Variants in PSMB3 observed in about 807,000 individuals in gnomAD.
PSMB3 encodes proteasome 20S subunit beta 3.
Under a neutral mutation model 23.3 loss-of-function variants are expected in PSMB3, and 5 were observed. The ratio of observed to expected loss-of-function variants is 0.21; its 90% CI spans 0.11 to 0.45. The LOEUF is 0.45. PSMB3 is among the 20% of genes least tolerant of loss of function. PSMB3 has a pLI of 0.99. For missense variants in PSMB3, 192 were observed against 277.9 expected (o/e 0.69, Z 2.20); for synonymous variants, 85 against 99.8 (o/e 0.85, Z 0.88).
rs778864848 is a variant in PSMB3, at chr17:38,760,452, G to C, written c.318G>C (p.Glu106Asp). 1 of 1,614,212 alleles carries C rather than the reference G, an allele frequency of 6.2e-7. No homozygotes were observed. Among genetic ancestry groups the C allele is most frequent in the Non-Finnish European group, 8.5e-7 (1 of 1,180,038 alleles). Residue 106 changes from glutamate to aspartate, a missense_variant, in exon 4 of 6, where the codon GAG becomes GAC. Physicochemically the swap from Glu to Asp is conservative, Grantham distance 45. Coordinates refer to ENST00000619426, the MANE Select transcript of PSMB3 (RefSeq NM_002795.4). ...YEKRFGPYYT[E>D]PVIAGLDPKT... The stretch of plus-strand genomic sequence containing the variant: ...ACAGGTTTGGCCCTTACTACACTGA[G>C]CCAGTCATTGCCGGGTTGGACCCGA...
At chr17:38,753,058 GGGCGTACAGGAGCC>G (rs1394960369) in intron 1 of PSMB3, 78 bp from the exon 2 acceptor site, 8 of 1,372,980 alleles carry the variant, frequency 5.8e-6, no homozygotes, top group Non-Finnish European at 7.9e-6. Context: ...AATGGAGAAC[GGGCGTACAGGAGCC>G]TCCGCATCAG....
At chr17:38,762,166 G>A in intron 4 of PSMB3, 1 of 506,156 alleles carries the variant, frequency 2.0e-6, no homozygotes. Context: ...TTTGCCCAAT[G>A]TCACACTGCT....
At position 38,755,899 on chromosome 17, in the gene PSMB3, T is replaced by C. The variant is rs1378611542; in HGVS notation, c.205T>C (p.Phe69Leu). Residue 69 changes from phenylalanine (F) to leucine (L), a missense_variant, in exon 3 of 6, where the codon TTC (phenylalanine) becomes CTC (leucine). Phe to Leu is a conservative substitution (Grantham distance 22, BLOSUM62 0). Transcript: ENST00000619426. ...CTACCTCAGTGCCCAGCGCCTCAAGTTCCGGCTGAACCTGTATGAGTTGAA... is the reference window on the plus strand; with the variant it reads ...CTACCTCAGTGCCCAGCGCCTCAAGCTCCGGCTGAACCTGTATGAGTTGAA... ...DVQTVAQRLK[F>L]RLNLYELKEG... 1.7e-5 allele frequency: 28 copies of C among 1,613,966 alleles called. No individual in the cohort carries two copies. Among genetic ancestry groups the C allele is most frequent in the Non-Finnish European group, 2.1e-5 (25 of 1,180,016 alleles).
intron 3 of PSMB3, among the ~76,000 whole-genome samples, chr17:38,759,097 C>T (rs1908328999): frequency 6.6e-6 from 1 of 152,130 alleles, no homozygotes; most frequent in Admixed American, 6.5e-5. Context: ...ATATGGATAA[C>T]GTCTCTTTTA....
chr17:38,760,860 G>A (rs1022233361), intron 4 of PSMB3, among the ~76,000 whole-genome samples: 2 of 152,186 alleles, frequency 1.3e-5, no homozygotes, highest in African/African-American at 4.8e-5. Context: ...CTTACATTGG[G>A]TTTACAGGGT....
chr17:38,756,626 G>A (rs916830016), intron 3 of PSMB3, among the ~76,000 whole-genome samples: 2 of 151,954 alleles, frequency 1.3e-5, no homozygotes, highest in South Asian at 2.1e-4. Context: ...CTGCCATGTA[G>A]CTGGGACCAC....
rs756744425 is a variant in PSMB3, at chr17:38,753,349, TC to T, written c.188+19del. The T allele has an allele frequency of 1.5e-5, 24 of 1,609,638 alleles. No homozygotes were observed. The highest frequency in any genetic ancestry group is 2.0e-5 in the Non-Finnish European group (24 of 1,177,640). ...GTCCAGACAGTGTAAGTTTCAAGGG[TC>T]CCCGCCCACACCCAGGCCTCTTCTT... On this transcript the variant is annotated intron_variant, in intron 2 of 5. Transcript: ENST00000619426.
intron 4 of PSMB3, among the ~76,000 whole-genome samples, chr17:38,761,453 G>A (rs78375501): frequency 0.048 from 7,357 of 152,104 alleles, 304 homozygotes; most frequent in African/African-American, 0.11. Flanking sequence ...GCTTGACGGC[G>A]AGGGTCGGCT....
rs545378550 is a variant in PSMB3, at chr17:38,764,140, C to T, written c.591C>T (p.Thr197=). 3 of 1,614,198 alleles carry T rather than the reference C, an allele frequency of 1.9e-6. No individual in the cohort carries two copies. In the East Asian group the frequency reaches 6.7e-5, roughly 36 times the overall value. The part of the protein sequence containing the change: ...VHIIEKDKIT[T]RTLKARMD ...GCAGCGAGAAGGACAAAATCACCACCAGGACACTGAAGGCCCGAATGGACT... is the reference window on the plus strand; with the variant it reads ...GCAGCGAGAAGGACAAAATCACCACTAGGACACTGAAGGCCCGAATGGACT... Residue 197 remains threonine, a synonymous_variant, in exon 6 of 6, where the codon ACC becomes ACT. Coordinates refer to ENST00000619426, the MANE Select transcript of PSMB3 (RefSeq NM_002795.4).
chr17:38,755,800 C>T (rs1567643528), intron 2 of PSMB3, 83 bp from the exon 3 acceptor site: 2 of 1,185,870 alleles, frequency 1.7e-6, no homozygotes, highest in African/African-American at 1.5e-5. Flanking sequence ...TGAGATGTCT[C>T]CTTATGTTTC....
Position 38,760,549 on chromosome 17 carries a change from A to T in PSMB3, c.415A>T (p.Ser139Cys). ...CPMVTDDFVV[S>C]GTCAEQMYGM... ...CATGGTGACTGATGACTTTGTGGTC[A>T]GTGGCACCTGCGCCGAACAAATGTA... Residue 139 changes from serine to cysteine, a missense_variant, in exon 4 of 6, where the codon AGT becomes TGT. By Grantham distance (112) the Ser-to-Cys change is moderately radical. Coordinates refer to ENST00000619426, the MANE Select transcript of PSMB3 (RefSeq NM_002795.4). 6.2e-7 allele frequency: 1 copy of T among 1,614,262 alleles called. No individual in the cohort carries two copies.
chr17:38,753,168 G>A lies in PSMB3; in HGVS notation c.22G>A (p.Gly8Arg). Residue 8 changes from glycine (G) to arginine (R), a missense_variant, in exon 2 of 6, where the codon GGA (glycine) becomes AGA (arginine). By Grantham distance (125) the Gly-to-Arg change is moderately radical (BLOSUM62 -2). Transcript: ENST00000619426. Reference sequence around the variant, plus strand: ...GTCCTAGTCTATTATGTCCTATAACGGAGGGGCCGTCATGGCCATGAAGGG... The same window carrying A: ...GTCCTAGTCTATTATGTCCTATAACAGAGGGGCCGTCATGGCCATGAAGGG... MSIMSYN[G>R]GAVMAMKGKN... The A allele has an allele frequency of 6.2e-7, 1 of 1,614,116 alleles. No homozygotes were observed. The highest frequency in any genetic ancestry group is 8.5e-7 in the Non-Finnish European group (1 of 1,180,006).
chr17:38,754,405 C>T (rs1441762018), intron 2 of PSMB3, among the ~76,000 whole-genome samples: 2 of 152,102 alleles, frequency 1.3e-5, no homozygotes, highest in Admixed American at 6.5e-5. Flanking sequence ...GACAGACGGA[C>T]GTTGCAGTGA....
At position 38,755,674 on chromosome 17, in the gene PSMB3, A is replaced by ATGTGTGTGTG. The variant is rs1321711737; in HGVS notation, c.189-208_189-207insGTGTGTGTGT. On this transcript the variant is annotated intron_variant, in intron 2 of 5. Coordinates refer to ENST00000619426, the MANE Select transcript of PSMB3 (RefSeq NM_002795.4). ...AAAAAAAAAAAATATATATATATAT[A>ATGTGTGTGTG]TATATATATGTGTGTGTGTGTGTGT... 4.9e-3 allele frequency among the ~76,000 whole-genome samples: 450 copies of ATGTGTGTGTG among 91,194 alleles called. 4 individuals are homozygous for ATGTGTGTGTG. The highest frequency in any genetic ancestry group is 0.011 in the Middle Eastern group (2 of 180). 59.8% of individuals were successfully genotyped at this position (91,194 alleles called of 152,430 possible).
At position 38,755,946 on chromosome 17, in the gene PSMB3, T is replaced by C. The variant is rs778811484; in HGVS notation, c.252T>C (p.Pro84=). ...TGAAGGAAGGTCGGCAGATCAAACCTTATACCCTCATGAGCATGGTGGCCA... is the reference window on the plus strand; with the variant it reads ...TGAAGGAAGGTCGGCAGATCAAACCCTATACCCTCATGAGCATGGTGGCCA... ...YELKEGRQIK[P]YTLMSMVANL... The change falls in exon 3 of 6, where the codon CCT becomes CCC. Residue 84 remains proline, a synonymous_variant. Transcript: ENST00000619426. 6.2e-7 allele frequency: 1 copy of C among 1,614,106 alleles called. No homozygotes were observed. The highest frequency in any genetic ancestry group is 1.7e-5 in the Admixed American group (1 of 59,996).
chr17:38,756,271 C>T (rs543373730), intron 3 of PSMB3, among the ~76,000 whole-genome samples: 1 of 152,326 alleles, frequency 6.6e-6, no homozygotes, highest in Middle Eastern at 3.4e-3. Context: ...GCAGGAGCCA[C>T]TCTTGCCCTA....
chr17:38,759,759 G>A (rs1195370752), intron 3 of PSMB3, among the ~76,000 whole-genome samples: 1 of 152,020 alleles, frequency 6.6e-6, no homozygotes, highest in Non-Finnish European at 1.5e-5. Context: ...GTGTTAGCCA[G>A]GAAGGTCTCG....
rs901296415 is a variant in PSMB3 at position 38,763,595 on chromosome 17, T to C, written c.570-524T>C. Among the ~76,000 whole-genome samples the C allele has an allele frequency of 2.0e-4, 29 of 144,278 alleles. No individual in the cohort carries two copies. The South Asian group carries it at 3.4e-3, about 17-fold the overall frequency. 94.7% of individuals were successfully genotyped at this position (144,278 alleles called of 152,430 possible). ...CAGCTCACTGCAAACCTCTGCCTCC[T>C]GGGTTCAAGTGATTCTCCTGCCTCA... On this transcript the variant is annotated intron_variant, in intron 5 of 5. Transcript: ENST00000619426.
chr17:38,756,804 TTTTTC>T lies in PSMB3; in HGVS notation c.296+824_296+828del, dbSNP rs747312780. ...CACCATGCCTGGCCTGATCTCTTTT[TTTTTC>T]TTTTCTTTTAACTTTTTATTTTGAA... is the stretch of plus-strand genomic sequence containing the variant. On this transcript the variant is annotated intron_variant, in intron 3 of 5. Transcript: ENST00000619426. Among the ~76,000 whole-genome samples the T allele has an allele frequency of 1.5e-3, 226 of 152,006 alleles. 1 individual carries two copies. Among genetic ancestry groups the T allele is most frequent in the African/African-American group, 5.2e-3 (217 of 41,494 alleles).
Sources: gnomAD v4.1 joint callset for allele counts (sites outside exome capture counted in the v4.1 genomes callset) on GRCh38, gnomAD v4.1.1 for gene constraint, MANE v1.5 for transcripts, NCBI Gene and HGNC (gene_info 2026-07-23, HGNC 2026-07-21) for gene names.